PPM1L: variants seen among roughly 807,000 people sequenced by gnomAD.
PPM1L encodes protein phosphatase, Mg2+/Mn2+ dependent 1L.
In PPM1L, 13 loss-of-function variants were observed where a neutral mutation model predicts 31.4. The ratio of observed to expected loss-of-function variants is 0.41; its 90% CI spans 0.27 to 0.66. The LOEUF is 0.66. Among genes scored for constraint, PPM1L ranks in the 30% least tolerant of loss-of-function variants. The pLI is 0.29. For synonymous variants in PPM1L, 184 were observed against 175.4 expected (o/e 1.05, Z -0.39); for missense variants, 326 against 453.7 (o/e 0.72, Z 2.56).
At chr3:161,068,043 T>C (rs1252037962) in intron 3 of PPM1L, among the ~76,000 whole-genome samples, 2 of 152,212 alleles carry the variant, frequency 1.3e-5, no homozygotes, top group African/African-American at 4.8e-5. Context: ...TTGCCTTCCA[T>C]GGAGTAGGTA....
intron 1 of PPM1L, among the ~76,000 whole-genome samples, chr3:160,856,763 T>A (rs1711719195): frequency 6.6e-6 from 1 of 152,054 alleles, no homozygotes; most frequent in Admixed American, 6.6e-5. Context: ...ACATGTAATT[T>A]ACCTGTATAA....
Position 161,076,556 on chromosome 3 carries a change from T to G in PPM1L, c.*7399T>G, listed in dbSNP as rs2108120195. ...ACATGTTCACATTGAAACATTAACA[T>G]CTACAATATTGTCTTTCAGTTTACT... On this transcript the variant is annotated 3_prime_UTR_variant, in exon 4 of 4. Coordinates refer to ENST00000498165, the MANE Select transcript of PPM1L (RefSeq NM_139245.4). 6.6e-6 allele frequency: 1 copy of G among 152,364 alleles called. No homozygotes were observed. Among genetic ancestry groups the G allele is most frequent in the African/African-American group, 2.4e-5 (1 of 41,594 alleles). The allele number at this position is 152,364 out of a possible 1,614,324, so 9.4% of individuals were successfully genotyped here. A position where few individuals can be genotyped will look rare whatever the true frequency, so the allele number is the denominator to read the frequency against.
chr3:160,955,059 G>A (rs1715726030), intron 1 of PPM1L, among the ~76,000 whole-genome samples: 2 of 150,740 alleles, frequency 1.3e-5, no homozygotes, highest in Non-Finnish European at 3.0e-5. Context: ...TCATCAGGCT[G>A]GAGTGCAATG....
chr3:161,059,023 T>A (rs773916935), intron 2 of PPM1L, among the ~76,000 whole-genome samples: 5 of 152,152 alleles, frequency 3.3e-5, no homozygotes, highest in African/African-American at 1.2e-4. Context: ...GAGGGGAGAA[T>A]GTTGGTTTAC....
rs1219119040 is a variant in PPM1L at position 161,029,998 on chromosome 3, G to C, written c.575-35405G>C. 2.0e-5 allele frequency among the ~76,000 whole-genome samples: 3 copies of C among 152,170 alleles called. No homozygotes were observed. The South Asian group carries it at 6.2e-4, about 32-fold the overall frequency. On this transcript the variant is annotated intron_variant, in intron 2 of 3. Coordinates refer to ENST00000498165, the MANE Select transcript of PPM1L (RefSeq NM_139245.4). ...AGCACAAGCTGGCCCATGGAAACTT[G>C]GGAAACTTTTTTACCTCATGCCTGC...
chr3:160,862,919 G>T (rs1180574557), intron 1 of PPM1L, among the ~76,000 whole-genome samples: 1 of 152,068 alleles, frequency 6.6e-6, no homozygotes, highest in Non-Finnish European at 1.5e-5. Flanking sequence ...TTATAGGTTT[G>T]CTTAGGAGAA....
intron 1 of PPM1L, among the ~76,000 whole-genome samples, chr3:160,937,093 T>G (rs1714997444): frequency 6.6e-6 from 1 of 152,210 alleles, no homozygotes; most frequent in African/African-American, 2.4e-5. Flanking sequence ...TCAGTTCATT[T>G]GTTTTTTACC....
intron 1 of PPM1L, among the ~76,000 whole-genome samples, chr3:160,860,385 T>C (rs1711847467): frequency 6.6e-6 from 1 of 152,116 alleles, no homozygotes; most frequent in Non-Finnish European, 1.5e-5. Flanking sequence ...CCTAATTACA[T>C]GAAGAAGGCA....
chr3:160,955,154 G>T (rs1385609310), intron 1 of PPM1L, among the ~76,000 whole-genome samples: 1 of 151,972 alleles, frequency 6.6e-6, no homozygotes, highest in South Asian at 2.1e-4. Context: ...GGGACTACAG[G>T]CATGCACCAC....
At chr3:160,902,555 G>T (rs538631427) in intron 1 of PPM1L, among the ~76,000 whole-genome samples, 3 of 152,148 alleles carry the variant, frequency 2.0e-5, no homozygotes, top group Admixed American at 6.5e-5. Flanking sequence ...AGCTTTAAAG[G>T]TATTGTTTTA....
At chr3:160,999,292 A>G (rs993328259) in intron 2 of PPM1L, among the ~76,000 whole-genome samples, 2 of 152,156 alleles carry the variant, frequency 1.3e-5, no homozygotes, top group African/African-American at 2.4e-5. Context: ...TGTGGTTTCT[A>G]CTGCAGACAG....
chr3:161,031,612 C>CA (rs1169097174), intron 2 of PPM1L, among the ~76,000 whole-genome samples: 1 of 149,804 alleles, frequency 6.7e-6, no homozygotes, highest in Non-Finnish European at 1.5e-5. Flanking sequence ...AGGGTCCTCC[C>CA]ACCTCAGCCT....
chr3:160,808,001 T>C (rs576604184), intron 1 of PPM1L, among the ~76,000 whole-genome samples: 1 of 152,320 alleles, frequency 6.6e-6, no homozygotes, highest in South Asian at 2.1e-4. Flanking sequence ...GAGGATTGAC[T>C]ACTGTCTGAT....
chr3:160,889,027 C>T (rs1713034965), intron 1 of PPM1L, among the ~76,000 whole-genome samples: 1 of 152,172 alleles, frequency 6.6e-6, no homozygotes, highest in Non-Finnish European at 1.5e-5. Context: ...ATTTATAGCA[C>T]TAAATGCCCA....
At chr3:160,837,451 G>A (rs923799817) in intron 1 of PPM1L, among the ~76,000 whole-genome samples, 2 of 152,176 alleles carry the variant, frequency 1.3e-5, no homozygotes, top group African/African-American at 4.8e-5. Context: ...TCAAGATAAA[G>A]TTGTGCATGT....
chr3:160,878,438 C>T (rs1010077612), intron 1 of PPM1L, among the ~76,000 whole-genome samples: 7 of 152,110 alleles, frequency 4.6e-5, no homozygotes, highest in African/African-American at 9.7e-5. Flanking sequence ...TCCTAGCTTG[C>T]GGATGGTTGT....
chr3:160,788,410 G>A (rs1277949901), intron 1 of PPM1L, among the ~76,000 whole-genome samples: 1 of 151,730 alleles, frequency 6.6e-6, no homozygotes, highest in African/African-American at 2.4e-5. Context: ...TGAACTTCTG[G>A]TTCATGTCTT....
intron 1 of PPM1L, among the ~76,000 whole-genome samples, chr3:160,810,508 C>T (rs1453649252): frequency 1.3e-5 from 2 of 152,136 alleles, no homozygotes; most frequent in Non-Finnish European, 2.9e-5. Flanking sequence ...TGGTGGCCAC[C>T]TTCTTTTTCC....
At chr3:160,792,071 T>G (rs909354601) in intron 1 of PPM1L, among the ~76,000 whole-genome samples, 2 of 152,104 alleles carry the variant, frequency 1.3e-5, no homozygotes, top group Admixed American at 6.6e-5. Flanking sequence ...AATGTCAGCA[T>G]GCACCCAGGT....
Sources: allele counts gnomAD v4.1 joint callset (sites outside exome capture counted in the v4.1 genomes callset), GRCh38; gene constraint gnomAD v4.1.1; transcripts MANE v1.5; gene names NCBI Gene and HGNC (gene_info 2026-07-23, HGNC 2026-07-21).